Variants in BHMT2 observed in about 807,000 individuals in gnomAD.
The protein encoded by BHMT2 is betaine--homocysteine S-methyltransferase 2.
Under a neutral mutation model 39.0 loss-of-function variants are expected in BHMT2, and 28 were observed. The ratio of observed to expected loss-of-function variants is 0.72; its 90% confidence interval spans 0.53 to 0.98. The LOEUF is 0.98. BHMT2 is among the 50% of genes least tolerant of loss of function. BHMT2 has a pLI of 0.00. For missense variants in BHMT2, 410 were observed against 455.6 expected, an observed-to-expected ratio of 0.90 and a Z score of 0.91; for synonymous variants, 145 against 160.6, an observed-to-expected ratio of 0.90 and a Z score of 0.74.
At chr5:79,088,071 C>G (rs1378682603) in intron 7 of BHMT2, among the ~76,000 whole-genome samples, 5 of 152,002 alleles carry the variant, frequency 3.3e-5, no homozygotes, top group African/African-American at 1.2e-4. Flanking sequence ...TCCCAGCTAC[C>G]TGGGGGGCTG....
At chr5:79,071,137 C>T (rs1346049934) in intron 1 of BHMT2, 1 of 152,208 alleles carries the variant, frequency 6.6e-6, no homozygotes, top group Non-Finnish European at 1.5e-5. Flanking sequence ...TTATCACACA[C>T]TAATCCATGT....
At chr5:79,072,309 A>G (rs77204177) in intron 1 of BHMT2, among the ~76,000 whole-genome samples, 5,703 of 152,168 alleles carry the variant, frequency 0.037, 154 homozygotes, top group Middle Eastern at 0.054. Context: ...TGGCAAATTT[A>G]AAATGGTGGA....
At chr5:79,088,362 G>C (rs1354558881) in intron 7 of BHMT2, 131 bp from the exon 8 acceptor site, 1 of 390,890 alleles carries the variant, frequency 2.6e-6, no homozygotes. Flanking sequence ...TTTTGACTGT[G>C]TGTGTGTGTG....
intron 1 of BHMT2, among the ~76,000 whole-genome samples, chr5:79,075,946 C>T (rs1755663518): frequency 6.6e-6 from 1 of 152,164 alleles, no homozygotes; most frequent in Non-Finnish European, 1.5e-5. Flanking sequence ...TTACAGTGTG[C>T]TCTTTCAGCT....
chr5:79,079,261 A>C, intron 2 of BHMT2, 108 bp from the exon 3 acceptor site: 1 of 746,122 alleles, frequency 1.3e-6, no homozygotes, highest in East Asian at 2.7e-5. Context: ...CTGAGGTATG[A>C]TTGAAAGAGA....
rs188424807 is a variant in BHMT2, at chr5:79,085,564, C to T, written c.1010+1708C>T. ...GGCGTGGTGGCGGGAGCCTATAATC[C>T]CAACTACTCGGGAGGCTGAGGCAGG... On this transcript the variant is annotated intron_variant, in intron 7 of 7. Coordinates refer to ENST00000255192, the MANE Select transcript of BHMT2 (RefSeq NM_017614.5). 3.0e-3 allele frequency among the ~76,000 whole-genome samples: 454 copies of T among 152,236 alleles called. 1 individual carries two copies. The highest frequency in any genetic ancestry group is 0.01 in the African/African-American group (434 of 41,544).
chr5:79,080,719 C>T lies in BHMT2; in HGVS notation c.291C>T (p.Leu97=), dbSNP rs768662220. The change falls in exon 4 of 8, where the codon CTC becomes CTT. Residue 97 remains leucine (L), a synonymous_variant. Transcript: ENST00000255192. ...WEDVNAAACD[L]AREVAGKGDA... Reference sequence around the variant, plus strand: ...ATGTAAATGCTGCTGCCTGTGACCTCGCCAGGGAAGTGGCTGGCAAAGGTG... The same window carrying T: ...ATGTAAATGCTGCTGCCTGTGACCTTGCCAGGGAAGTGGCTGGCAAAGGTG... 1.6e-5 allele frequency: 25 copies of T among 1,601,190 alleles called. No homozygotes were observed. Among genetic ancestry groups the T allele is most frequent in the South Asian group, 3.4e-5 (3 of 88,112 alleles).
chr5:79,081,030 C>T, intron 4 of BHMT2, 152 bp downstream of exon 4: 2 of 672,164 alleles, frequency 3.0e-6, no homozygotes, highest in Non-Finnish European at 4.7e-6. Flanking sequence ...TAGTCAAGGC[C>T]AACATTCCCT....
At chr5:79,079,271 A>G in intron 2 of BHMT2, 98 bp from the exon 3 acceptor site, 1 of 809,030 alleles carries the variant, frequency 1.2e-6, no homozygotes. Flanking sequence ...ATTGAAAGAG[A>G]TGGGAGTCAG....
rs566477187 is a variant in BHMT2 at position 79,072,285 on chromosome 5, A to C, written c.33+2470A>C. Among the ~76,000 whole-genome samples the C allele has an allele frequency of 7.9e-5, 12 of 152,238 alleles. No homozygotes were observed. In the South Asian group the frequency reaches 2.5e-3, roughly 32 times the overall value. ...TCTGTCTCAAAAAAAAAAAGAAAGAAAAGAAAAGAAAAATGGCAAATTTAA... is the reference window on the plus strand; with the variant it reads ...TCTGTCTCAAAAAAAAAAAGAAAGACAAGAAAAGAAAAATGGCAAATTTAA... On this transcript the variant is annotated intron_variant, in intron 1 of 7. Transcript: ENST00000255192.
chr5:79,072,872 G>C (rs1381563485), intron 1 of BHMT2, among the ~76,000 whole-genome samples: 6 of 152,070 alleles, frequency 3.9e-5, no homozygotes, highest in Admixed American at 1.3e-4. Context: ...ATAACCCTGT[G>C]ATAGGTTGGA....
chr5:79,079,621 C>T (rs1407619795), intron 3 of BHMT2, among the ~76,000 whole-genome samples, 161 bp downstream of exon 3: 1 of 152,188 alleles, frequency 6.6e-6, no homozygotes, highest in Non-Finnish European at 1.5e-5. Context: ...ATAGGTCGGG[C>T]ACAGTGGCTT....
intron 1 of BHMT2, among the ~76,000 whole-genome samples, chr5:79,070,619 G>A (rs1755547123): frequency 1.3e-5 from 2 of 152,186 alleles, no homozygotes; most frequent in African/African-American, 4.8e-5. Context: ...GAGGAAGGGA[G>A]GAGGGGCAGT....
intron 2 of BHMT2, among the ~76,000 whole-genome samples, chr5:79,078,553 C>T (rs1755722080): frequency 6.6e-6 from 1 of 152,212 alleles, no homozygotes; most frequent in South Asian, 2.1e-4. Flanking sequence ...GGACAAGTCA[C>T]TTGACCTCTC....
chr5:79,084,646 C>G (rs535505436), intron 7 of BHMT2, among the ~76,000 whole-genome samples: 2 of 152,316 alleles, frequency 1.3e-5, no homozygotes, highest in South Asian at 4.1e-4. Context: ...ACACTGGTGA[C>G]TAGGTTTCAA....
chr5:79,074,587 T>A (rs1249627489), intron 1 of BHMT2, among the ~76,000 whole-genome samples: 3 of 152,212 alleles, frequency 2.0e-5, no homozygotes, highest in Non-Finnish European at 4.4e-5. Flanking sequence ...AAAATGTGTT[T>A]GGGATCTCTT....
intron 1 of BHMT2, among the ~76,000 whole-genome samples, chr5:79,073,543 T>A (rs1290772427): frequency 6.6e-6 from 1 of 152,196 alleles, no homozygotes; most frequent in Non-Finnish European, 1.5e-5. Context: ...GTCCAAAATT[T>A]AAGGCCTTTT....
At position 79,079,450 on chromosome 5, in the gene BHMT2, T is replaced by G; in HGVS notation, c.248T>G (p.Met83Arg). 1 of 1,612,858 alleles carries G rather than the reference T, an allele frequency of 6.2e-7. No individual in the cohort carries two copies. Among genetic ancestry groups the G allele is most frequent in the Non-Finnish European group, 8.5e-7 (1 of 1,178,984 alleles). Residue 83 changes from methionine to arginine, a missense_variant, in exon 3 of 8, where the codon ATG (methionine) becomes AGG (arginine). Coordinates refer to ENST00000255192, the MANE Select transcript of BHMT2 (RefSeq NM_017614.5). ...TFTFSASEDNMESKWEDVNAA... is the reference protein window; with the variant it reads ...TFTFSASEDNRESKWEDVNAA... ...ACCTTTTCTGCCAGTGAGGACAATA[T>G]GGAAAGCAAGGTAAACGGCAATGGC...
chr5:79,082,739 C>T, intron 4 of BHMT2, 70 bp from the exon 5 acceptor site: 2 of 1,533,202 alleles, frequency 1.3e-6, no homozygotes, highest in South Asian at 2.5e-5. Context: ...AACTGTTTTG[C>T]TATATTTACC....
Sources: gnomAD v4.1 joint callset for allele counts (sites outside exome capture counted in the v4.1 genomes callset) on GRCh38, gnomAD v4.1.1 for gene constraint, MANE v1.5 for transcripts, NCBI Gene and HGNC (gene_info 2026-07-23, HGNC 2026-07-21) for gene names.